KIAA1671: variants seen among roughly 807,000 people sequenced by gnomAD.
KIAA1671 encodes KIAA1671.
KIAA1671 carries 52 observed loss-of-function variants against 131.2 expected under a neutral mutation model. The ratio of observed to expected loss-of-function variants is 0.40; its 90% CI spans 0.32 to 0.50. The LOEUF is 0.50. KIAA1671 is among the 20% of genes least tolerant of loss of function. The pLI is 0.73. For missense variants in KIAA1671, 2,360 were observed against 2,364.2 expected, an observed-to-expected ratio of 1.00 and a Z score of 0.04; for synonymous variants, 1,003 against 961.6, an observed-to-expected ratio of 1.04 and a Z score of -0.80.
Position 25,041,535 on chromosome 22 carries a change from G to A in KIAA1671, c.4395+10G>A, listed in dbSNP as rs750042922. ...TGGAGACAGTCACAAGGTAAGTACCGAGACACTTTTTAATTTTGTCAAACA... is the reference window on the plus strand; with the variant it reads ...TGGAGACAGTCACAAGGTAAGTACCAAGACACTTTTTAATTTTGTCAAACA... On this transcript the variant is annotated intron_variant, in intron 5 of 12. Transcript: ENST00000358431. 84 of 1,508,318 alleles carry A rather than the reference G, an allele frequency of 5.6e-5. No homozygotes were observed. In the East Asian group the frequency reaches 1.3e-3, roughly 23 times the overall value. The allele number at this position is 1,508,318 out of a possible 1,614,324, so 93.4% of individuals were successfully genotyped here. A position where few individuals can be genotyped will look rare whatever the true frequency, so the allele number is the denominator to read the frequency against.
intron 6 of KIAA1671, among the ~76,000 whole-genome samples, chr22:25,161,139 TCTTCCCTC>T (rs572584775): frequency 1.3e-5 from 2 of 152,096 alleles, no homozygotes; most frequent in Non-Finnish European, 1.5e-5. Flanking sequence ...TCTCCTTCTT[TCTTCCCTC>T]CTTCCCTCCT....
chr22:24,968,882 ATTGTTTTGTTTTGTGTTGTG>A (rs1047191392), intron 1 of KIAA1671, among the ~76,000 whole-genome samples: 6 of 151,484 alleles, frequency 4.0e-5, no homozygotes, highest in Non-Finnish European at 5.9e-5. Context: ...TTATTGTTTT[ATTGTTTTGTTTTGTGTTGTG>A]TTGTTTTGTT....
At chr22:25,030,062 CTAAGTCAGTTCGTTAATACTGATACTCT>C (rs1396613787) in intron 3 of KIAA1671, among the ~76,000 whole-genome samples, 5 of 152,206 alleles carry the variant, frequency 3.3e-5, no homozygotes, top group African/African-American at 1.2e-4. Context: ...TAATGATATT[CTAAGTCAGTTCGTTAATACTGATACTCT>C]TAAGTCAGTT....
chr22:25,105,541 A>C (rs966373126), intron 6 of KIAA1671, among the ~76,000 whole-genome samples: 2 of 152,168 alleles, frequency 1.3e-5, no homozygotes, highest in South Asian at 4.1e-4. Context: ...TTGCAGAAAA[A>C]GTCCTCTGGG....
intron 1 of KIAA1671, among the ~76,000 whole-genome samples, chr22:24,982,926 G>A (rs1010210043): frequency 2.0e-5 from 3 of 152,218 alleles, no homozygotes; most frequent in Non-Finnish European, 4.4e-5. Flanking sequence ...TCAACCTGCT[G>A]TGTGACCTTG....
intron 6 of KIAA1671, chr22:25,063,222 GT>G (rs1466279105): frequency 6.6e-6 from 1 of 152,136 alleles, no homozygotes; most frequent in African/African-American, 2.4e-5. Context: ...GCCCGGGTTT[GT>G]TTTTAAGTTT....
chr22:25,183,636 C>T (rs573305890), intron 10 of KIAA1671, among the ~76,000 whole-genome samples: 1 of 152,136 alleles, frequency 6.6e-6, no homozygotes, highest in East Asian at 1.9e-4. Flanking sequence ...GATTCTCCTG[C>T]CTCAGCCTCC....
At chr22:25,032,719 G>T in intron 4 of KIAA1671, 23 bp downstream of exon 4, 9 of 1,470,792 alleles carry the variant, frequency 6.1e-6, no homozygotes, top group Non-Finnish European at 8.3e-6. Flanking sequence ...TGTGTAGCAC[G>T]TCTCTCATTA....
Position 24,974,761 on chromosome 22 carries a change from C to T in KIAA1671, c.-208+21989C>T, listed in dbSNP as rs187190346. ...AGGCTGGAGTGTAATGGCGTGATCT[C>T]GGCTCACTGCAACCTCAACTTTCCG... On this transcript the variant is annotated intron_variant, in intron 1 of 12. Transcript: ENST00000358431. 2.4e-3 allele frequency among the ~76,000 whole-genome samples: 331 copies of T among 138,482 alleles called. 2 individuals carry two copies. The highest frequency in any genetic ancestry group is 8.4e-3 in the African/African-American group (308 of 36,626). 90.8% of individuals were successfully genotyped at this position (138,482 alleles called of 152,430 possible). A position where few individuals can be genotyped will look rare whatever the true frequency, so the allele number is the denominator to read the frequency against.
At chr22:25,120,974 C>T (rs1427624849) in intron 6 of KIAA1671, among the ~76,000 whole-genome samples, 3 of 152,156 alleles carry the variant, frequency 2.0e-5, no homozygotes, top group African/African-American at 7.2e-5. Context: ...AGTAAGCTCA[C>T]GTTGCTTTCT....
At chr22:25,142,037 A>C (rs948053491) in intron 6 of KIAA1671, among the ~76,000 whole-genome samples, 2 of 152,222 alleles carry the variant, frequency 1.3e-5, no homozygotes, top group Admixed American at 1.3e-4. Flanking sequence ...GAAGCACCTT[A>C]TAAGCCATGA....
rs763105145 is a variant in KIAA1671, at chr22:25,112,772, C to G, written c.4531-58048C>G. ...AGTGTGAACACCCCAACCCCCGACACGAAAGCTCATCCTTCTCCCTATTTT... is the reference window on the plus strand; with the variant it reads ...AGTGTGAACACCCCAACCCCCGACAGGAAAGCTCATCCTTCTCCCTATTTT... On this transcript the variant is annotated intron_variant, in intron 6 of 12. Transcript: ENST00000358431. The G allele has an allele frequency of 2.8e-5, 5 of 176,164 alleles. No individual in the cohort carries two copies. The Middle Eastern group carries it at 7.3e-3, about 258-fold the overall frequency. 10.9% of individuals were successfully genotyped at this position (176,164 alleles called of 1,614,324 possible).
intron 6 of KIAA1671, among the ~76,000 whole-genome samples, chr22:25,147,337 C>T (rs970691302): frequency 1.7e-4 from 26 of 151,946 alleles, no homozygotes; most frequent in African/African-American, 3.6e-4. Flanking sequence ...GGATGACAGA[C>T]GTGTGCCACC....
intron 6 of KIAA1671, among the ~76,000 whole-genome samples, chr22:25,113,939 A>G (rs1601327275): frequency 6.6e-6 from 1 of 151,904 alleles, no homozygotes; most frequent in East Asian, 1.9e-4. Context: ...CTCTCAGGGT[A>G]TGGGGTTGGT....
At chr22:25,111,921 C>G (rs1237948899) in intron 6 of KIAA1671, 1 of 287,972 alleles carries the variant, frequency 3.5e-6, no homozygotes, top group Non-Finnish European at 6.4e-6. Flanking sequence ...TATAACTCCG[C>G]TGGGGTGGAC....
rs1390623875 is a variant in KIAA1671 at position 25,039,236 on chromosome 22, G to T, written c.2106G>T (p.Arg702=). Reference sequence around the variant, plus strand: ...TGAGACCGTATCACACGCCTCTCCGGGACAAATACCCTTTGTCTGAAAACC... The same window carrying T: ...TGAGACCGTATCACACGCCTCTCCGTGACAAATACCCTTTGTCTGAAAACC... ...GELRPYHTPL[R]DKYPLSENHN... The change falls in exon 5 of 13, where the codon CGG becomes CGT. Residue 702 remains arginine (R), a synonymous_variant. Coordinates refer to ENST00000358431, the MANE Select transcript of KIAA1671 (RefSeq NM_001145206.2). 2 of 1,552,208 alleles carry T rather than the reference G, an allele frequency of 1.3e-6. No homozygotes were observed. Among genetic ancestry groups the T allele is most frequent in the Non-Finnish European group, 1.7e-6 (2 of 1,147,120 alleles).
intron 6 of KIAA1671, among the ~76,000 whole-genome samples, chr22:25,107,692 A>AT (rs772885945): frequency 1.8e-4 from 28 of 151,432 alleles, no homozygotes; most frequent in African/African-American, 4.4e-4. Flanking sequence ...CCAGCACTCC[A>AT]TTTTTTGTGT....
At chr22:25,179,592 C>T in intron 9 of KIAA1671, 2 of 1,308,948 alleles carry the variant, frequency 1.5e-6, no homozygotes, top group Non-Finnish European at 2.1e-6. Context: ...CTGCCCAATG[C>T]GTTGGCCTCC....
Position 25,085,807 on chromosome 22 carries a change from G to A in KIAA1671, c.4530+36443G>A, listed in dbSNP as rs145992871. 2.0e-3 allele frequency among the ~76,000 whole-genome samples: 290 copies of A among 148,122 alleles called. 1 individual carries two copies. The highest frequency in any genetic ancestry group is 6.7e-3 in the African/African-American group (273 of 41,012). ...GAAGGGAGGGAGGGAGGGAGGGAGG[G>A]AGGAAGGGAGGAAGGCTGTTCAAGA... On this transcript the variant is annotated intron_variant, in intron 6 of 12. Coordinates refer to ENST00000358431, the MANE Select transcript of KIAA1671 (RefSeq NM_001145206.2).
Sources: gnomAD v4.1 joint callset for allele counts (sites outside exome capture counted in the v4.1 genomes callset) on GRCh38, gnomAD v4.1.1 for gene constraint, MANE v1.5 for transcripts, NCBI Gene and HGNC (gene_info 2026-07-23, HGNC 2026-07-21) for gene names.